Variants in CADPS2 observed in about 807,000 individuals in gnomAD.
CADPS2 encodes calcium dependent secretion activator 2.
CADPS2 carries 93 observed loss-of-function variants against 172.5 expected under a neutral mutation model. The observed-to-expected ratio is 0.54, with a 90% CI of 0.46 to 0.64. The LOEUF is 0.64. Among genes scored for constraint, CADPS2 ranks in the 30% least tolerant of loss-of-function variants. The probability of loss-of-function intolerance (pLI) is 0.00; values close to 1 mark genes in which losing one functional copy is unlikely to be tolerated. For missense variants in CADPS2, 1,420 were observed against 1,565.9 expected (o/e 0.91, Z 1.57); for synonymous variants, 546 against 555.2 (o/e 0.98, Z 0.23).
intron 8 of CADPS2, among the ~76,000 whole-genome samples, chr7:122,530,666 C>T (rs1302717167): frequency 1.3e-5 from 2 of 152,126 alleles, no homozygotes; most frequent in African/African-American, 4.8e-5. Flanking sequence ...CTACAAAAGA[C>T]TGTGCTAAAA....
intron 1 of CADPS2, among the ~76,000 whole-genome samples, chr7:122,871,971 T>C (rs1819874074): frequency 1.3e-5 from 2 of 152,088 alleles, no homozygotes; most frequent in South Asian, 4.1e-4. Context: ...TCCAAACCCA[T>C]GGTTCCAATC....
chr7:122,542,576 T>C (rs777273452), intron 8 of CADPS2, among the ~76,000 whole-genome samples: 18 of 152,172 alleles, frequency 1.2e-4, no homozygotes, highest in Non-Finnish European at 2.2e-4. Flanking sequence ...AATGGACAAA[T>C]AGATATTGTG....
In CADPS2 at chr7:122,441,491, TA is replaced by T; in HGVS notation, c.2352+20del. ...CAACTGAGAAAGCAAATAGTATTTATAAAGTAATGTTCAAACATACCCTTTC... is the reference window on the plus strand; with the variant it reads ...CAACTGAGAAAGCAAATAGTATTTATAAGTAATGTTCAAACATACCCTTTC... On this transcript the variant is annotated intron_variant, in intron 16 of 29. Coordinates refer to ENST00000449022, the MANE Select transcript of CADPS2 (RefSeq NM_017954.11). The T allele has an allele frequency of 6.7e-7, 1 of 1,488,000 alleles. No individual in the cohort carries two copies. Among genetic ancestry groups the T allele is most frequent in the Non-Finnish European group, 9.0e-7 (1 of 1,109,966 alleles). The allele number at this position is 1,488,000 out of a possible 1,614,324, so 92.2% of individuals were successfully genotyped here.
chr7:122,754,690 G>A (rs768734408), intron 1 of CADPS2, among the ~76,000 whole-genome samples: 1 of 152,080 alleles, frequency 6.6e-6, no homozygotes, highest in Non-Finnish European at 1.5e-5. Context: ...TGGCCAGGTT[G>A]GTCTCAAACT....
intron 3 of CADPS2, among the ~76,000 whole-genome samples, chr7:122,640,657 C>T (rs1011853241): frequency 5.3e-5 from 8 of 152,160 alleles, no homozygotes; most frequent in Admixed American, 3.3e-4. Flanking sequence ...GTTGGCTGGG[C>T]GCGGTGGCTC....
intron 2 of CADPS2, chr7:122,681,733 T>C: frequency 1.9e-6 from 1 of 533,848 alleles, no homozygotes. Context: ...TGTAAAAAAA[T>C]AATAATAATA....
chr7:122,575,938 T>C (rs947561231), intron 7 of CADPS2, among the ~76,000 whole-genome samples: 4 of 152,208 alleles, frequency 2.6e-5, no homozygotes, highest in Admixed American at 6.5e-5. Flanking sequence ...TACATTACCA[T>C]GGTACATTTG....
At chr7:122,885,074 A>G (rs1823967319) in intron 1 of CADPS2, among the ~76,000 whole-genome samples, 1 of 152,216 alleles carries the variant, frequency 6.6e-6, no homozygotes, top group South Asian at 2.1e-4. Flanking sequence ...CGATTTCTAC[A>G]GAACCTTCCA....
At chr7:122,684,986 T>G (rs2083464140) in intron 2 of CADPS2, among the ~76,000 whole-genome samples, 1 of 152,260 alleles carries the variant, frequency 6.6e-6, no homozygotes, top group Non-Finnish European at 1.5e-5. Context: ...TAAATTTCCC[T>G]GGCATACAGT....
chr7:122,871,556 T>C (rs1418416149), intron 1 of CADPS2, among the ~76,000 whole-genome samples: 2 of 151,980 alleles, frequency 1.3e-5, no homozygotes, highest in African/African-American at 4.8e-5. Context: ...ACTCAAGCTG[T>C]TCCTCTGCTA....
intron 1 of CADPS2, among the ~76,000 whole-genome samples, chr7:122,812,175 A>G (rs1316896874): frequency 6.6e-6 from 1 of 152,052 alleles, no homozygotes; most frequent in Non-Finnish European, 1.5e-5. Context: ...TAGTATATTC[A>G]TGGAGGTTAT....
intron 7 of CADPS2, among the ~76,000 whole-genome samples, chr7:122,580,450 C>G (rs2068652050): frequency 1.1e-5 from 1 of 90,702 alleles, no homozygotes; most frequent in Non-Finnish European, 2.2e-5. Flanking sequence ...AAGATTCTGT[C>G]TCAAAAAAAA....
chr7:122,866,761 A>G (rs960778991), intron 1 of CADPS2, among the ~76,000 whole-genome samples: 1 of 152,214 alleles, frequency 6.6e-6, no homozygotes, highest in Admixed American at 6.5e-5. Flanking sequence ...CTATTCTCAG[A>G]TCAGACAAAG....
Position 122,679,194 on chromosome 7 carries a change from T to A in CADPS2, c.454-15625A>T, listed in dbSNP as rs182423249. 9.0e-4 allele frequency among the ~76,000 whole-genome samples: 126 copies of A among 139,236 alleles called. 1 individual carries two copies. Among genetic ancestry groups the A allele is most frequent in the African/African-American group, 3.2e-3 (122 of 38,260 alleles). 91.3% of individuals were successfully genotyped at this position (139,236 alleles called of 152,430 possible). A position where few individuals can be genotyped will look rare whatever the true frequency, so the allele number is the denominator to read the frequency against. On this transcript the variant is annotated intron_variant, in intron 2 of 29. Coordinates refer to ENST00000449022, the MANE Select transcript of CADPS2 (RefSeq NM_017954.11). ...CTCTTATTACCGAAAACAGGTAAGA[T>A]AAATATCACTGAATTCTTTCCCCAG...
intron 8 of CADPS2, among the ~76,000 whole-genome samples, chr7:122,520,273 G>C (rs534333756): frequency 6.6e-6 from 1 of 151,880 alleles, no homozygotes; most frequent in East Asian, 1.9e-4. Context: ...AAGCATTAAC[G>C]CTGCAATGCT....
At chr7:122,804,256 C>T (rs1298738788) in intron 1 of CADPS2, among the ~76,000 whole-genome samples, 1 of 152,168 alleles carries the variant, frequency 6.6e-6, no homozygotes, top group Non-Finnish European at 1.5e-5. Flanking sequence ...TCATTTTAAA[C>T]CAACTTCTTA....
intron 1 of CADPS2, among the ~76,000 whole-genome samples, chr7:122,784,923 T>A (rs565655051): frequency 1.3e-5 from 2 of 152,300 alleles, no homozygotes; most frequent in South Asian, 4.1e-4. Context: ...TTTATGTTCC[T>A]TTTTCACCTT....
rs140430113 is a variant in CADPS2, at chr7:122,844,659, T to C, written c.339+41340A>G. 3.3e-4 allele frequency among the ~76,000 whole-genome samples: 50 copies of C among 152,332 alleles called. No individual in the cohort carries two copies. The East Asian group carries it at 8.5e-3, about 26-fold the overall frequency. On this transcript the variant is annotated intron_variant, in intron 1 of 29. Coordinates refer to ENST00000449022, the MANE Select transcript of CADPS2 (RefSeq NM_017954.11). The stretch of plus-strand genomic sequence containing the variant: ...TTAAAAATACATCTATAGTAATGTA[T>C]CCTAAGTTACATAGTTTATGCTCAG...
At chr7:122,334,325 T>G (rs1480972662) in intron 28 of CADPS2, among the ~76,000 whole-genome samples, 1 of 152,202 alleles carries the variant, frequency 6.6e-6, no homozygotes, top group Non-Finnish European at 1.5e-5. Context: ...TGCTCAGGTC[T>G]ATTGGTACCC....
Sources: gnomAD v4.1 joint callset for allele counts (sites outside exome capture counted in the v4.1 genomes callset) on GRCh38, gnomAD v4.1.1 for gene constraint, MANE v1.5 for transcripts, NCBI Gene and HGNC (gene_info 2026-07-23, HGNC 2026-07-21) for gene names.